RPE65: variants seen among roughly 807,000 people sequenced by gnomAD.
RPE65 encodes retinoid isomerohydrolase RPE65.
In RPE65, 58 loss-of-function variants were observed where a neutral mutation model predicts 68.5. The ratio of observed to expected loss-of-function variants is 0.85; its 90% CI spans 0.69 to 1.05. The LOEUF (loss-of-function observed/expected upper bound fraction) is 1.05. Ranked by LOEUF, RPE65 falls within the 50% of genes least tolerant of loss-of-function variation. RPE65 has a pLI of 0.00. For synonymous variants in RPE65, 220 were observed against 222.2 expected, an observed-to-expected ratio of 0.99 and a Z score of 0.09; for missense variants, 643 against 629.9, an observed-to-expected ratio of 1.02 and a Z score of -0.22.
rs746172764 is a variant in RPE65 at position 68,431,589 on chromosome 1, G to A, written c.1129-4C>T. On this transcript the variant is annotated splice_polypyrimidine_tract_variant and splice_region_variant and intron_variant, in intron 10 of 13. Coordinates refer to ENST00000262340, the MANE Select transcript of RPE65 (RefSeq NM_000329.3). ...CTAAATTCTTGCCTGTGTCAGCCTA[G>A]GAGAGAAGATAACAGAAACCTCAGT... 1 of 1,611,854 alleles carries A rather than the reference G, an allele frequency of 6.2e-7. No individual in the cohort carries two copies. Among genetic ancestry groups the A allele is most frequent in the Non-Finnish European group, 8.5e-7 (1 of 1,178,216 alleles).
At chr1:68,430,077 G>C (rs1379911395) in intron 13 of RPE65, 150 bp from the exon 14 acceptor site, 1 of 944,078 alleles carries the variant, frequency 1.1e-6, no homozygotes, top group South Asian at 1.6e-5. Context: ...GTACCACCTG[G>C]CATGAGACCA....
Position 68,429,552 on chromosome 1 carries a change from C to A in RPE65, c.*224G>T. The A allele has an allele frequency of 1.8e-6, 1 of 550,678 alleles. No homozygotes were observed. The allele number at this position is 550,678 out of a possible 1,614,324, so 34.1% of individuals were successfully genotyped here. ...ATATTTAAGAGTTTTTCAGTTATGG[C>A]CTGTCTCACAGAGGAAGTATGATTA... On this transcript the variant is annotated 3_prime_UTR_variant, in exon 14 of 14. Transcript: ENST00000262340.
At position 68,445,726 on chromosome 1, in the gene RPE65, G is replaced by A. The variant is rs369124851; in HGVS notation, c.246-843C>T. ...AGACGGGGTTTCACCATGCTAGCCAGGCTGGTCTCAAACTCCTGACCTCAA... is the reference window on the plus strand; with the variant it reads ...AGACGGGGTTTCACCATGCTAGCCAAGCTGGTCTCAAACTCCTGACCTCAA... On this transcript the variant is annotated intron_variant, in intron 3 of 13. Coordinates refer to ENST00000262340, the MANE Select transcript of RPE65 (RefSeq NM_000329.3). Among the ~76,000 whole-genome samples, 3 of 152,176 alleles carry A rather than the reference G, an allele frequency of 2.0e-5. No individual in the cohort carries two copies. In the East Asian group the frequency reaches 5.8e-4, roughly 30 times the overall value.
chr1:68,448,462 C>A (rs1645958032), intron 2 of RPE65, among the ~76,000 whole-genome samples, 162 bp downstream of exon 2: 1 of 152,020 alleles, frequency 6.6e-6, no homozygotes, highest in Non-Finnish European at 1.5e-5. Flanking sequence ...AAAGTAAAGG[C>A]GAATGAAAGA....
intron 2 of RPE65, among the ~76,000 whole-genome samples, chr1:68,447,197 A>G (rs1180000651): frequency 6.6e-6 from 1 of 152,222 alleles, no homozygotes; most frequent in Non-Finnish European, 1.5e-5. Flanking sequence ...TTGCCATCTC[A>G]TTTTTAAGAA....
At position 68,429,934 on chromosome 1, in the gene RPE65, A is replaced by G. The variant is rs773933584; in HGVS notation, c.1451-7T>C. The stretch of plus-strand genomic sequence containing the variant: ...ACCACACTCAGAACTACACCTGTTT[A>G]TCAGAAGTAAATTAGGCAATATTGA... On this transcript the variant is annotated splice_region_variant and splice_polypyrimidine_tract_variant and intron_variant, in intron 13 of 13. Coordinates refer to ENST00000262340, the MANE Select transcript of RPE65 (RefSeq NM_000329.3). The G allele has an allele frequency of 7.4e-6, 12 of 1,613,510 alleles. No individual in the cohort carries two copies. The highest frequency in any genetic ancestry group is 2.2e-5 in the East Asian group (1 of 44,886).
At position 68,431,128 on chromosome 1, in the gene RPE65, G is replaced by T. The variant is rs375358477; in HGVS notation, c.1387C>A (p.Pro463Thr). Residue 463 changes from proline to threonine, a missense_variant, in exon 13 of 14, where the codon CCT becomes ACT. Pro to Thr is a conservative substitution (Grantham distance 38). Coordinates refer to ENST00000262340, the MANE Select transcript of RPE65 (RefSeq NM_000329.3). Reference protein sequence around the residue: ...KTKETWVWQEPDSYPSEPIFV... With the variant: ...KTKETWVWQETDSYPSEPIFV... ...ATGGGTTCTGATGGGTATGAATCAG[G>T]CTCTTGCCAAACCCAAGTTTCTTTA... The T allele has an allele frequency of 9.3e-6, 15 of 1,613,782 alleles. No homozygotes were observed. In the South Asian group the frequency reaches 1.6e-4, roughly 18 times the overall value.
Position 68,440,883 on chromosome 1 carries a change from T to G in RPE65, c.613A>C (p.Asn205His), listed in dbSNP as rs1402737240. 6.2e-6 allele frequency: 10 copies of G among 1,614,068 alleles called. No homozygotes were observed. Among genetic ancestry groups the G allele is most frequent in the Non-Finnish European group, 7.6e-6 (9 of 1,179,928 alleles). Residue 205 changes from asparagine (N) to histidine (H), a missense_variant, in exon 6 of 14, where the codon AAC becomes CAC. Asn to His is a moderately conservative substitution (Grantham distance 68). Transcript: ENST00000262340. ...CFGKNFSIAY[N>H]IVKIPPLQAD... ...TGCAGTGGTGGGATCTTTACAATGT[T>G]GTAGGCAATTGAAAAATTTTTTCCA...
At position 68,429,764 on chromosome 1, in the gene RPE65, G is replaced by T. The variant is rs750954616; in HGVS notation, c.*12C>A. ...AGTTTTGCTACCAAAAACATATCTT[G>T]CTGGAGTATGCTCAAGATTTTTTGA... On this transcript the variant is annotated 3_prime_UTR_variant, in exon 14 of 14. Coordinates refer to ENST00000262340, the MANE Select transcript of RPE65 (RefSeq NM_000329.3). The T allele has an allele frequency of 7.4e-6, 12 of 1,613,192 alleles. No homozygotes were observed. In the African/African-American group the frequency reaches 9.4e-5, roughly 13 times the overall value.
chr1:68,438,372 G>C, intron 9 of RPE65, 56 bp from the exon 10 acceptor site: 4 of 1,592,490 alleles, frequency 2.5e-6, no homozygotes, highest in Non-Finnish European at 3.4e-6. Context: ...ATTTTAGAGA[G>C]ATGATTCTTG....
At chr1:68,445,024 G>A in intron 3 of RPE65, 141 bp from the exon 4 acceptor site, 5 of 772,686 alleles carry the variant, frequency 6.5e-6, no homozygotes, top group South Asian at 1.5e-5. Flanking sequence ...GGTTTTATTA[G>A]CTCACTTTCT....
At chr1:68,443,907 T>C (rs1645921916) in intron 5 of RPE65, among the ~76,000 whole-genome samples, 1 of 152,232 alleles carries the variant, frequency 6.6e-6, no homozygotes, top group South Asian at 2.1e-4. Context: ...TGTTCTATGC[T>C]ATTTCATTCA....
chr1:68,431,380 C>A lies in RPE65; in HGVS notation c.1244-4G>T. On this transcript the variant is annotated splice_polypyrimidine_tract_variant and splice_region_variant and intron_variant, in intron 11 of 13. Transcript: ENST00000262340. ...TTGATTTGAGGAAACTCAAATGCTACGAAATAGAGCACATGCTTAGGAAAA... is the reference window on the plus strand; with the variant it reads ...TTGATTTGAGGAAACTCAAATGCTAAGAAATAGAGCACATGCTTAGGAAAA... 1 of 1,613,650 alleles carries A rather than the reference C, an allele frequency of 6.2e-7. No homozygotes were observed. Among genetic ancestry groups the A allele is most frequent in the East Asian group, 2.2e-5 (1 of 44,868 alleles).
intron 13 of RPE65, among the ~76,000 whole-genome samples, chr1:68,430,255 T>C (rs939650281): frequency 2.6e-5 from 4 of 152,232 alleles, no homozygotes; most frequent in Non-Finnish European, 4.4e-5. Context: ...TCTGTTCTTA[T>C]CTGTAACATA....
At chr1:68,431,433 G>A (rs751514302) in intron 11 of RPE65, 38 bp downstream of exon 11, 4 of 1,611,076 alleles carry the variant, frequency 2.5e-6, no homozygotes, top group Non-Finnish European at 3.4e-6. Context: ...AGAAACATTT[G>A]TTCACTCCCG....
At chr1:68,431,204 A>AG in intron 12 of RPE65, 28 bp from the exon 13 acceptor site, 1 of 1,611,448 alleles carries the variant, frequency 6.2e-7, no homozygotes, top group Non-Finnish European at 8.5e-7. Flanking sequence ...AAATCAATCA[A>AG]GCAATCAGTC....
At chr1:68,437,638 T>A (rs899918298) in intron 10 of RPE65, among the ~76,000 whole-genome samples, 7 of 152,222 alleles carry the variant, frequency 4.6e-5, no homozygotes, top group Non-Finnish European at 8.8e-5. Flanking sequence ...AAATTCTAGA[T>A]GTTACTCTGG....
At chr1:68,431,773 G>C (rs924534714) in intron 10 of RPE65, among the ~76,000 whole-genome samples, 188 bp from the exon 11 acceptor site, 2 of 152,012 alleles carry the variant, frequency 1.3e-5, no homozygotes, top group Admixed American at 6.6e-5. Context: ...GTCAGTCACT[G>C]GCTATGTATC....
chr1:68,447,139 G>A (rs972194465), intron 2 of RPE65, among the ~76,000 whole-genome samples: 4 of 152,096 alleles, frequency 2.6e-5, no homozygotes, highest in Non-Finnish European at 5.9e-5. Context: ...TGAGAGGATT[G>A]GGACTCTCCA....
Sources: allele counts gnomAD v4.1 joint callset (sites outside exome capture counted in the v4.1 genomes callset), GRCh38; gene constraint gnomAD v4.1.1; transcripts MANE v1.5; gene names NCBI Gene and HGNC (gene_info 2026-07-23, HGNC 2026-07-21).